TARDBP: variants seen among roughly 807,000 people sequenced by gnomAD.
TARDBP encodes the protein TAR DNA binding protein.
A neutral mutation model predicts 38.3 loss-of-function variants in TARDBP; 4 were observed. That is an observed-to-expected ratio of 0.10 (90% CI 0.05 to 0.24). The LOEUF (loss-of-function observed/expected upper bound fraction) is 0.24. Among genes scored for constraint, TARDBP ranks in the 10% least tolerant of loss-of-function variants. The pLI is 1.00. For synonymous variants in TARDBP, 184 were observed against 183.8 expected (o/e 1.00, Z -0.01); for missense variants, 202 against 521.9 (o/e 0.39, Z 5.97).
chr1:11,016,605 C>T (rs1483056722), intron 2 of TARDBP, among the ~76,000 whole-genome samples: 3 of 152,062 alleles, frequency 2.0e-5, no homozygotes, highest in African/African-American at 4.8e-5. Flanking sequence ...GATTGTAATC[C>T]GGAAATGCTA....
At chr1:11,028,631 C>T (rs752480885), downstream of TARDBP, among the ~76,000 whole-genome samples, 12 of 150,770 alleles carry the variant, frequency 8.0e-5, no homozygotes, top group Non-Finnish European at 1.5e-4. Flanking sequence ...TAGCCAAATA[C>T]AGGTTTAAAA....
At chr1:11,021,304 G>A (rs367651973) in intron 5 of TARDBP, among the ~76,000 whole-genome samples, 96 of 151,590 alleles carry the variant, frequency 6.3e-4, no homozygotes, top group African/African-American at 2.2e-3. Context: ...ACGCCTGGCT[G>A]ATTTTTTTGT....
At position 11,022,749 on chromosome 1, in the gene TARDBP, A is replaced by T; in HGVS notation, c.*95A>T. On this transcript the variant is annotated 3_prime_UTR_variant, in exon 6 of 6. Coordinates refer to ENST00000240185, the MANE Select transcript of TARDBP (RefSeq NM_007375.4). This position sits in a 1 kb window ranked among gnomAD's most constrained non-coding sequence, Gnocchi z 4.5. ...ATTGTAAAATACATATGTACTAAGA[A>T]TTTTCAAAATTGGTTTGTTCAGTGT... The T allele has an allele frequency of 1.3e-6, 2 of 1,499,238 alleles. No homozygotes were observed. Among genetic ancestry groups the T allele is most frequent in the South Asian group, 2.9e-5 (2 of 69,874 alleles). The allele number at this position is 1,499,238 out of a possible 1,614,324, so 92.9% of individuals were successfully genotyped here. A position where few individuals can be genotyped will look rare whatever the true frequency, so the allele number is the denominator to read the frequency against.
chr1:11,018,615 G>A lies in TARDBP; in HGVS notation c.403-118G>A. On this transcript the variant is annotated intron_variant, in intron 3 of 5. Coordinates refer to ENST00000240185, the MANE Select transcript of TARDBP (RefSeq NM_007375.4). ...TACTGTTAAGACTAACTTGGTTTAA[G>A]TTTTAAGCCACTGCATCCAGTTGAA... 3.5e-6 allele frequency: 5 copies of A among 1,437,474 alleles called. No individual in the cohort carries two copies. The South Asian group carries it at 4.6e-5, about 13-fold the overall frequency. The allele number at this position is 1,437,474 out of a possible 1,614,324, so 89.0% of individuals were successfully genotyped here.
downstream of TARDBP, chr1:11,027,100 T>C (rs772857324): frequency 1.9e-6 from 3 of 1,607,294 alleles, no homozygotes; most frequent in Non-Finnish European, 1.7e-6. Flanking sequence ...GCACAAAGCA[T>C]GTTAGCAGTT....
intron 5 of TARDBP, among the ~76,000 whole-genome samples, chr1:11,021,247 T>C (rs1292064202): frequency 2.0e-5 from 3 of 152,042 alleles, no homozygotes; most frequent in Non-Finnish European, 2.9e-5. Flanking sequence ...CAAGCGATTG[T>C]CTTGGCTCAG....
intron 4 of TARDBP, 181 bp downstream of exon 4, chr1:11,019,054 G>T: frequency 2.6e-6 from 2 of 755,158 alleles, no homozygotes; most frequent in South Asian, 3.2e-5. Context: ...GAAATATTTA[G>T]TTTATTACTT....
intron 3 of TARDBP, 72 bp downstream of exon 3, chr1:11,017,079 A>C (rs960686522): frequency 3.3e-6 from 5 of 1,517,696 alleles, no homozygotes; most frequent in African/African-American, 1.4e-5. Context: ...TATTGGTATA[A>C]ATAGAGATGG....
downstream of TARDBP, among the ~76,000 whole-genome samples, chr1:11,029,454 TA>T (rs749524864): frequency 2.0e-4 from 29 of 147,324 alleles, no homozygotes; most frequent in South Asian, 8.6e-4. Context: ...CAATTCTGGT[TA>T]AAAAAAAAAG....
rs752815065 is a variant in TARDBP, at chr1:11,022,171, C to T, written c.762C>T (p.Ser254=). The change falls in exon 6 of 6, where the codon AGC becomes AGT. Residue 254 remains serine (S), a synonymous_variant. Coordinates refer to ENST00000240185, the MANE Select transcript of TARDBP (RefSeq NM_007375.4). This position sits in a 1 kb window ranked among gnomAD's most constrained non-coding sequence, Gnocchi z 4.5. ...CGEDLIIKGI[S]VHISNAEPKH... ...AGGACTTGATCATTAAAGGAATCAGCGTTCATATATCCAATGCCGAACCTA... is the reference window on the plus strand; with the variant it reads ...AGGACTTGATCATTAAAGGAATCAGTGTTCATATATCCAATGCCGAACCTA... The T allele has an allele frequency of 6.2e-7, 1 of 1,613,934 alleles. No individual in the cohort carries two copies. Among genetic ancestry groups the T allele is most frequent in the Non-Finnish European group, 8.5e-7 (1 of 1,179,862 alleles).
At chr1:11,018,422 C>CA in intron 3 of TARDBP, 1 of 393,856 alleles carries the variant, frequency 2.5e-6, no homozygotes, top group Non-Finnish European at 4.8e-6. Context: ...CTCCTGTGCT[C>CA]AAGCGATCCA....
intron 3 of TARDBP, among the ~76,000 whole-genome samples, 192 bp downstream of exon 3, chr1:11,017,199 TTTC>T (rs1415875287): frequency 8.7e-6 from 1 of 114,292 alleles, no homozygotes; most frequent in Admixed American, 1.2e-4. Flanking sequence ...TCTTGTTACC[TTTC>T]TTTTTTTTTT....
At chr1:11,026,055 T>A (rs1643727649), downstream of TARDBP, 6 of 154,892 alleles carry the variant, frequency 3.9e-5, 1 homozygote, top group Admixed American at 3.9e-4. Flanking sequence ...ACTTTTCATC[T>A]TGTGGAAATG....
Position 11,022,250 on chromosome 1 carries a change from G to C in TARDBP, c.841G>C (p.Gly281Arg), listed in dbSNP as rs1315049575. 1.2e-6 allele frequency: 2 copies of C among 1,613,996 alleles called. No homozygotes were observed. Among genetic ancestry groups the C allele is most frequent in the Non-Finnish European group, 1.7e-6 (2 of 1,179,876 alleles). Residue 281 changes from glycine to arginine, a missense_variant, in exon 6 of 6, where the codon GGT becomes CGT. Coordinates refer to ENST00000240185, the MANE Select transcript of TARDBP (RefSeq NM_007375.4). This position sits in a 1 kb window ranked among gnomAD's most constrained non-coding sequence, Gnocchi z 4.5. ...ERSGRFGGNP[G>R]GFGNQGGFGN... ...AAGTGGAAGATTTGGTGGTAATCCAGGTGGCTTTGGGAATCAGGGTGGATT... is the reference window on the plus strand; with the variant it reads ...AAGTGGAAGATTTGGTGGTAATCCACGTGGCTTTGGGAATCAGGGTGGATT...
In TARDBP at chr1:11,018,879, T is replaced by A; in HGVS notation, c.543+6T>A. ...GCAAACTTCCTAATTCTAAGGTACT[T>A]GCGTCTGTGCTTTGGGAATTTTTGC... is the stretch of plus-strand genomic sequence containing the variant. On this transcript the variant is annotated splice_donor_region_variant and intron_variant, in intron 4 of 5. Transcript: ENST00000240185. The A allele has an allele frequency of 1.9e-6, 3 of 1,614,062 alleles. No individual in the cohort carries two copies. Among genetic ancestry groups the A allele is most frequent in the Non-Finnish European group, 2.5e-6 (3 of 1,180,028 alleles).
chr1:11,019,317 A>T (rs1471700942), intron 4 of TARDBP: 1 of 307,544 alleles, frequency 3.3e-6, no homozygotes, highest in South Asian at 2.9e-5. Flanking sequence ...AAACACAGTC[A>T]TGTATCACAT....
In TARDBP at chr1:11,013,974, C is replaced by T. The variant is rs376560308; in HGVS notation, c.238+9C>T. On this transcript the variant is annotated intron_variant, in intron 2 of 5. Coordinates refer to ENST00000240185, the MANE Select transcript of TARDBP (RefSeq NM_007375.4). ...TGTCAACTATCCAAAAGGTTTGTTA[C>T]CATTTGGTTTTTGTAATCATGCTGA... 4.3e-4 allele frequency: 696 copies of T among 1,613,806 alleles called. 7 individuals are homozygous for T. In the South Asian group the frequency reaches 6.9e-3, roughly 16 times the overall value.
At chr1:11,021,795 G>A (rs1643644208) in intron 5 of TARDBP, among the ~76,000 whole-genome samples, 1 of 151,894 alleles carries the variant, frequency 6.6e-6, no homozygotes, top group South Asian at 2.1e-4. Flanking sequence ...TTTTGATAGA[G>A]GTGGGGTCTC....
intron 2 of TARDBP, among the ~76,000 whole-genome samples, chr1:11,016,448 C>G (rs1453239790): frequency 6.6e-6 from 1 of 152,136 alleles, no homozygotes; most frequent in East Asian, 1.9e-4. Flanking sequence ...ACCTGGTTTT[C>G]TGTTTTATTA....
Sources: gnomAD v4.1 joint callset for allele counts (sites outside exome capture counted in the v4.1 genomes callset) on GRCh38, gnomAD v4.1.1 for gene constraint, Gnocchi (gnomAD v3.1) non-coding constraint, MANE v1.5 for transcripts, NCBI Gene and HGNC (gene_info 2026-07-23, HGNC 2026-07-21) for gene names.